Variants in PLXNA4 observed in about 807,000 individuals in gnomAD.
The protein encoded by PLXNA4 is plexin-A4.
In PLXNA4, 44 loss-of-function variants were observed where a neutral mutation model predicts 191.8. The observed-to-expected ratio is 0.23, with a 90% CI of 0.18 to 0.29. The LOEUF is 0.29. PLXNA4 is among the 10% of genes least tolerant of loss of function. PLXNA4 has a pLI of 1.00. For synonymous variants in PLXNA4, 1,082 were observed against 1,009.5 expected (o/e 1.07, Z -1.36); for missense variants, 1,800 against 2,488.8 (o/e 0.72, Z 5.89).
chr7:132,387,978 G>A (rs1461899199), intron 3 of PLXNA4, among the ~76,000 whole-genome samples: 5 of 152,016 alleles, frequency 3.3e-5, no homozygotes, highest in Non-Finnish European at 7.4e-5. Flanking sequence ...CCCTCCCGCG[G>A]CATGTCTCTG....
At chr7:132,203,941 C>T (rs993327267) in intron 10 of PLXNA4, among the ~76,000 whole-genome samples, 2 of 152,026 alleles carry the variant, frequency 1.3e-5, no homozygotes, top group Non-Finnish European at 1.5e-5. Context: ...CCAGGCAGGG[C>T]GGTGGTTGCA....
At chr7:132,301,551 C>T (rs1801306518) in intron 3 of PLXNA4, among the ~76,000 whole-genome samples, 1 of 152,180 alleles carries the variant, frequency 6.6e-6, no homozygotes, top group South Asian at 2.1e-4. Flanking sequence ...GCACCCTTAC[C>T]AGGGTCTGAT....
At chr7:132,218,949 C>A (rs1188618540) in intron 9 of PLXNA4, among the ~76,000 whole-genome samples, 1 of 152,090 alleles carries the variant, frequency 6.6e-6, no homozygotes, top group Non-Finnish European at 1.5e-5. Flanking sequence ...AATAACTTCA[C>A]CTGAACGCAT....
At chr7:132,197,341 T>C (rs1797283289) in intron 13 of PLXNA4, among the ~76,000 whole-genome samples, 1 of 152,244 alleles carries the variant, frequency 6.6e-6, no homozygotes, top group African/African-American at 2.4e-5. Context: ...CTCTATTACA[T>C]ACTAAATTTG....
chr7:132,214,969 T>G (rs1409103613), intron 9 of PLXNA4, among the ~76,000 whole-genome samples: 1 of 152,194 alleles, frequency 6.6e-6, no homozygotes, highest in Admixed American at 6.5e-5. Flanking sequence ...AGCAAATGTT[T>G]GTTCTTTCCT....
In PLXNA4 at chr7:132,630,313, T is replaced by C. The variant is rs141390923; in HGVS notation, c.-87+15615A>G. Among the ~76,000 whole-genome samples the C allele has an allele frequency of 5.3e-3, 803 of 152,320 alleles. 8 individuals are homozygous for C. Among genetic ancestry groups the C allele is most frequent in the African/African-American group, 0.019 (775 of 41,574 alleles). ...TGGGGAAAACACAATTCAATTTCCA[T>C]AGCACACAATCTATAACAGAAAACT... On this transcript the variant is annotated intron_variant, in intron 2 of 4. Coordinates refer to the PLXNA4 transcript ENST00000378539.
chr7:132,363,551 A>T (rs1430881003), intron 3 of PLXNA4, among the ~76,000 whole-genome samples: 1 of 152,198 alleles, frequency 6.6e-6, no homozygotes, highest in Non-Finnish European at 1.5e-5. Context: ...ATATTATTCC[A>T]TTATATTATA....
At position 132,144,568 on chromosome 7, in the gene PLXNA4, C is replaced by T. The variant is rs727249; in HGVS notation, c.5225+551G>A. On this transcript the variant is annotated intron_variant, in intron 29 of 31. Transcript: ENST00000321063. ...GAATAGAATAGGAATGCCCTTTGTT[C>T]ACCTGGCTGGTTCCTAAGTGTGTTT... Among the ~76,000 whole-genome samples, 6 of 152,340 alleles carry T rather than the reference C, an allele frequency of 3.9e-5. No individual in the cohort carries two copies. In the South Asian group the frequency reaches 6.2e-4, roughly 16 times the overall value.
intron 8 of PLXNA4, among the ~76,000 whole-genome samples, chr7:132,224,015 G>C (rs1484197505): frequency 6.6e-6 from 1 of 152,112 alleles, no homozygotes; most frequent in East Asian, 1.9e-4. Context: ...TATGCAAATT[G>C]ACTCCGGGTC....
At chr7:132,301,377 C>T (rs1327862372) in intron 3 of PLXNA4, among the ~76,000 whole-genome samples, 1 of 152,168 alleles carries the variant, frequency 6.6e-6, no homozygotes, top group Non-Finnish European at 1.5e-5. Context: ...TGAGTGGCCA[C>T]TATGGGTCTG....
At chr7:132,164,822 G>A (rs1430285570) in intron 23 of PLXNA4, among the ~76,000 whole-genome samples, 3 of 148,672 alleles carry the variant, frequency 2.0e-5, no homozygotes, top group Non-Finnish European at 4.4e-5. Context: ...GAAAAGCAGA[G>A]AAATAATGGG....
chr7:132,131,301 T>C (rs546415404), intron 31 of PLXNA4, among the ~76,000 whole-genome samples: 2 of 152,276 alleles, frequency 1.3e-5, no homozygotes, highest in South Asian at 2.1e-4. Context: ...TGCCAGTTTC[T>C]AGCTTGGTGA....
rs1803571450 is a variant in PLXNA4, at chr7:132,635,154, C to G, written c.-87+10774G>C. On this transcript the variant is annotated intron_variant, in intron 2 of 4. Coordinates refer to the PLXNA4 transcript ENST00000378539. ...GACCTTGTGATGGTGTGAGTTAATA[C>G]TTAATAAACTCCCCTTTATATATAT... Among the ~76,000 whole-genome samples, 3 of 132,946 alleles carry G rather than the reference C, an allele frequency of 2.3e-5. No homozygotes were observed. In the South Asian group the frequency reaches 8.0e-4, roughly 35 times the overall value. The allele number at this position is 132,946 out of a possible 152,430, so 87.2% of individuals were successfully genotyped here.
At position 132,508,745 on chromosome 7, in the gene PLXNA4, C is replaced by T; in HGVS notation, c.-52G>A. ...CAGCACTCAGGCACAGTCGTCCCCTCAGAGGGCCAGGACTCAGCAATGCAG... is the reference window on the plus strand; with the variant it reads ...CAGCACTCAGGCACAGTCGTCCCCTTAGAGGGCCAGGACTCAGCAATGCAG... On this transcript the variant is annotated 5_prime_UTR_variant, in exon 2 of 32. Transcript: ENST00000321063. This position sits in a 1 kb window ranked among gnomAD's most constrained non-coding sequence, Gnocchi z 4.4. The T allele has an allele frequency of 2.7e-6, 4 of 1,459,370 alleles. No homozygotes were observed. Among genetic ancestry groups the T allele is most frequent in the Non-Finnish European group, 3.6e-6 (4 of 1,110,244 alleles). The allele number at this position is 1,459,370 out of a possible 1,614,324, so 90.4% of individuals were successfully genotyped here.
At chr7:132,151,884 G>T (rs1473463002) in intron 25 of PLXNA4, among the ~76,000 whole-genome samples, 1 of 152,092 alleles carries the variant, frequency 6.6e-6, no homozygotes, top group African/African-American at 2.4e-5. Context: ...ATTCAAGTAG[G>T]CTGACAAGGA....
intron 3 of PLXNA4, among the ~76,000 whole-genome samples, chr7:132,302,607 A>G (rs1324489474): frequency 1.3e-5 from 2 of 151,692 alleles, no homozygotes; most frequent in Admixed American, 6.6e-5. Flanking sequence ...GTAAGATTTC[A>G]TAGAAAAACA....
At position 132,388,946 on chromosome 7, in the gene PLXNA4, G is replaced by A. The variant is rs1161722403; in HGVS notation, c.1372-90724C>T. ...AAGCCATGACTGGCAGCTCAGAGCA[G>A]AGGCGTGTCCTTCACACAGCTCTGG... On this transcript the variant is annotated intron_variant, in intron 3 of 31. Coordinates refer to ENST00000321063, the MANE Select transcript of PLXNA4 (RefSeq NM_020911.2). 2.6e-5 allele frequency among the ~76,000 whole-genome samples: 4 copies of A among 152,258 alleles called. No individual in the cohort carries two copies. In the South Asian group the frequency reaches 6.2e-4, roughly 24 times the overall value.
At chr7:132,133,431 G>C (rs541808630) in intron 30 of PLXNA4, among the ~76,000 whole-genome samples, 1 of 152,270 alleles carries the variant, frequency 6.6e-6, no homozygotes, top group South Asian at 2.1e-4. Context: ...AGAGGGAAGG[G>C]ATTTGGGGAG....
Position 132,198,571 on chromosome 7 carries a change from G to A in PLXNA4, c.2652C>T (p.Gly884=). 1 of 1,614,230 alleles carries A rather than the reference G, an allele frequency of 6.2e-7. No homozygotes were observed. The highest frequency in any genetic ancestry group is 8.5e-7 in the Non-Finnish European group (1 of 1,180,038). Residue 884 remains glycine (G), a synonymous_variant, in exon 13 of 32, where the codon GGC becomes GGT. Transcript: ENST00000321063. ...GGGAGGCGATGTCGCGAAATTCCAG[G>A]CCCAGGTTCTCCCCTCGGATAGTGA... ...TKVTIRGENL[G]LEFRDIASHV...
Sources: gnomAD v4.1 joint callset for allele counts (sites outside exome capture counted in the v4.1 genomes callset) on GRCh38, gnomAD v4.1.1 for gene constraint, Gnocchi (gnomAD v3.1) non-coding constraint, MANE v1.5 for transcripts, NCBI Gene and HGNC (gene_info 2026-07-23, HGNC 2026-07-21) for gene names.